Variants in NYAP2 observed in about 807,000 individuals in gnomAD.
NYAP2 encodes the protein neuronal tyrosine-phosphorylated phosphoinositide-3-kinase adapter 2.
A neutral mutation model predicts 50.4 loss-of-function variants in NYAP2; 23 were observed. The ratio of observed to expected loss-of-function variants is 0.46; its 90% CI spans 0.33 to 0.65. The LOEUF is 0.65. Among genes scored for constraint, NYAP2 ranks in the 30% least tolerant of loss-of-function variants. The pLI, the probability that NYAP2 is intolerant of heterozygous loss-of-function variation, is 0.02. For synonymous variants in NYAP2, 394 were observed against 365.2 expected, an observed-to-expected ratio of 1.08 and a Z score of -0.90; for missense variants, 885 against 861.0, an observed-to-expected ratio of 1.03 and a Z score of -0.35.
chr2:225,586,665 A>G (rs1692394403), intron 5 of NYAP2, among the ~76,000 whole-genome samples: 1 of 152,124 alleles, frequency 6.6e-6, no homozygotes, highest in African/African-American at 2.4e-5. Flanking sequence ...GCATTTTTTG[A>G]TATATTCATT....
At chr2:225,459,960 C>G (rs1249998531) in intron 3 of NYAP2, among the ~76,000 whole-genome samples, 1 of 152,210 alleles carries the variant, frequency 6.6e-6, no homozygotes, top group Admixed American at 6.5e-5. Context: ...GCATGAGCCA[C>G]AGCGCCCAGC....
chr2:225,572,029 A>G (rs994875409), intron 4 of NYAP2, among the ~76,000 whole-genome samples: 4 of 152,198 alleles, frequency 2.6e-5, no homozygotes, highest in Admixed American at 1.3e-4. Flanking sequence ...GCATAGCAAG[A>G]ATCACCTTTG....
chr2:225,660,627 C>T, the NYAP2 span, among the ~76,000 whole-genome samples: 4 of 152,026 alleles, frequency 2.6e-5, no homozygotes. Flanking sequence ...CAGCATAACA[C>T]TAGGTGGATA....
chr2:225,621,538 C>T (rs1423712821), intron 5 of NYAP2, among the ~76,000 whole-genome samples: 1 of 151,822 alleles, frequency 6.6e-6, no homozygotes, highest in Non-Finnish European at 1.5e-5. Flanking sequence ...ACAAAAAGAG[C>T]CCTGCAGATT....
At chr2:225,683,103 A>G in the NYAP2 span, among the ~76,000 whole-genome samples, 1 of 152,094 alleles carries the variant, frequency 6.6e-6, no homozygotes, top group Non-Finnish European at 1.5e-5. Context: ...GAAAGATATC[A>G]TGGTGGCAAA....
At chr2:225,487,356 C>A (rs772594528) in intron 3 of NYAP2, among the ~76,000 whole-genome samples, 6 of 151,958 alleles carry the variant, frequency 3.9e-5, no homozygotes, top group Non-Finnish European at 5.9e-5. Flanking sequence ...TGGTAACTTT[C>A]TTCTTTTCTT....
rs1431200053 is a variant in NYAP2, at chr2:225,477,259, C to T, written c.222-36112C>T. On this transcript the variant is annotated intron_variant, in intron 3 of 6. Coordinates refer to ENST00000636099, the Ensembl canonical transcript of NYAP2. The stretch of plus-strand genomic sequence containing the variant: ...TTTTTTTTTTTTTTTTTTTTTGAGA[C>T]GGAGTCTCACTCTTTCACCCAGGCC... 1.7e-4 allele frequency among the ~76,000 whole-genome samples: 14 copies of T among 80,722 alleles called. No individual in the cohort carries two copies. In the South Asian group the frequency reaches 1.7e-3, roughly 10 times the overall value. 53.0% of individuals were successfully genotyped at this position (80,722 alleles called of 152,430 possible).
At chr2:225,615,719 C>G (rs1692976369) in intron 5 of NYAP2, among the ~76,000 whole-genome samples, 1 of 152,124 alleles carries the variant, frequency 6.6e-6, no homozygotes, top group African/African-American at 2.4e-5. Context: ...TGTGTCAAAA[C>G]TGTGGATTCT....
At chr2:225,655,929 T>TACACACACACACACACAC (rs1693817634), downstream of NYAP2, among the ~76,000 whole-genome samples, 164 of 62,362 alleles carry the variant, frequency 2.6e-3, 1 homozygote, top group African/African-American at 8.0e-3. Flanking sequence ...CACACACACA[T>TACACACACACACACACAC]ACACACATAC....
chr2:225,504,653 T>C (rs1029686947), intron 3 of NYAP2, among the ~76,000 whole-genome samples: 1 of 152,172 alleles, frequency 6.6e-6, no homozygotes, highest in African/African-American at 2.4e-5. Context: ...AATTCTAAGA[T>C]ACTGAATTTT....
the NYAP2 span, among the ~76,000 whole-genome samples, chr2:225,681,621 T>G: frequency 6.6e-6 from 1 of 152,140 alleles, no homozygotes. Flanking sequence ...AAAAAGAAAA[T>G]GAGCACTTTT....
At chr2:225,398,624 C>CAGAG (rs55932860), upstream of NYAP2, among the ~76,000 whole-genome samples, 622 of 149,350 alleles carry the variant, frequency 4.2e-3, 1 homozygote, top group African/African-American at 6.4e-3. Context: ...CTTCATAAGG[C>CAGAG]AGAGAGAGAG....
intron 5 of NYAP2, among the ~76,000 whole-genome samples, chr2:225,596,330 T>C (rs1371423130): frequency 6.6e-6 from 1 of 152,188 alleles, no homozygotes; most frequent in Non-Finnish European, 1.5e-5. Context: ...TGACTGACAG[T>C]GTTGTAAATG....
chr2:225,587,338 G>A (rs1483680582), intron 5 of NYAP2, among the ~76,000 whole-genome samples: 1 of 151,812 alleles, frequency 6.6e-6, no homozygotes, highest in Non-Finnish European at 1.5e-5. Flanking sequence ...GTTATAAATG[G>A]AGAAATGTAA....
At chr2:225,673,830 C>T in the NYAP2 span, among the ~76,000 whole-genome samples, 1 of 152,150 alleles carries the variant, frequency 6.6e-6, no homozygotes, top group East Asian at 1.9e-4. Flanking sequence ...CTCCTATCCA[C>T]TCTTCCCTGG....
At chr2:225,500,306 A>G (rs966004702) in intron 3 of NYAP2, among the ~76,000 whole-genome samples, 1 of 152,236 alleles carries the variant, frequency 6.6e-6, no homozygotes, top group Admixed American at 6.5e-5. Flanking sequence ...TTTAAGTTGC[A>G]TTCATTATTT....
chr2:225,492,331 C>A (rs1383132667), intron 3 of NYAP2, among the ~76,000 whole-genome samples: 2 of 152,176 alleles, frequency 1.3e-5, no homozygotes, highest in Non-Finnish European at 2.9e-5. Flanking sequence ...CCTGTGTGTT[C>A]TGTCCTATAA....
At chr2:225,503,661 C>T (rs572510436) in intron 3 of NYAP2, among the ~76,000 whole-genome samples, 1 of 152,188 alleles carries the variant, frequency 6.6e-6, no homozygotes, top group African/African-American at 2.4e-5. Flanking sequence ...CAATATTAAC[C>T]TCAAACTCTT....
intron 3 of NYAP2, among the ~76,000 whole-genome samples, chr2:225,409,497 C>G (rs771894622): frequency 6.6e-6 from 1 of 152,002 alleles, no homozygotes; most frequent in African/African-American, 2.4e-5. Context: ...TAGAGCTCAT[C>G]TTCTTTCTAG....
Sources: allele counts gnomAD v4.1 joint callset (sites outside exome capture counted in the v4.1 genomes callset), GRCh38; gene constraint gnomAD v4.1.1; transcripts MANE v1.5; gene names NCBI Gene and HGNC (gene_info 2026-07-23, HGNC 2026-07-21).